The following CFAP47 variants were observed in gnomAD, a reference collection of about 807,000 sequenced individuals.
CFAP47 encodes the protein cilia- and flagella-associated protein 47.
Under a neutral mutation model 148.1 loss-of-function variants are expected in CFAP47, and 29 were observed. That is an observed-to-expected ratio of 0.20 (90% CI 0.15 to 0.27). The LOEUF is 0.27. Among genes scored for constraint, CFAP47 ranks in the 10% least tolerant of loss-of-function variants. CFAP47 has a pLI of 1.00. For missense variants in CFAP47, 1,872 were observed against 1,697.5 expected, an observed-to-expected ratio of 1.10 and a Z score of -1.81; for synonymous variants, 664 against 577.3, an observed-to-expected ratio of 1.15 and a Z score of -2.15.
intron 8 of CFAP47, among the ~76,000 whole-genome samples, chrX:35,956,951 C>T (rs1936254688): frequency 9.0e-6 from 1 of 111,316 alleles, no homozygotes; most frequent in Non-Finnish European, 1.9e-5. Context: ...GTGGCTCACA[C>T]CTGTAATCCC....
chrX:36,267,117 A>G (rs782609094), intron 49 of CFAP47, among the ~76,000 whole-genome samples: 42 of 111,930 alleles, frequency 3.8e-4, no homozygotes, highest in African/African-American at 1.3e-3. Context: ...AACAGTTGAG[A>G]TATTATCTAA....
intron 60 of CFAP47, among the ~76,000 whole-genome samples, chrX:36,358,640 A>T (rs2146989183): frequency 9.0e-6 from 1 of 111,573 alleles, no homozygotes; most frequent in East Asian, 2.8e-4. Context: ...TAGAAGTCCC[A>T]CATCTTCACC....
chrX:36,271,001 C>T (rs1940952544), intron 49 of CFAP47, among the ~76,000 whole-genome samples: 1 of 110,054 alleles, frequency 9.1e-6, no homozygotes, highest in Non-Finnish European at 1.9e-5. Context: ...TTTTGTTTTT[C>T]CCACCTTGCT....
chrX:35,949,450 G>A (rs1229821064), intron 4 of CFAP47, among the ~76,000 whole-genome samples: 1 of 111,405 alleles, frequency 9.0e-6, no homozygotes, highest in Admixed American at 9.6e-5. Context: ...TCTGAGATAA[G>A]GTCAACTGAG....
chrX:35,975,559 G>A lies in CFAP47; in HGVS notation c.2472-113G>A, dbSNP rs150009416. On this transcript the variant is annotated intron_variant, in intron 14 of 63. Transcript: ENST00000378653. ...TTATCTTTCATAATTAAAGTATTACGTGCTAAGAATTGTGGATGTTAATCA... is the reference window on the plus strand; with the variant it reads ...TTATCTTTCATAATTAAAGTATTACATGCTAAGAATTGTGGATGTTAATCA... 1.5e-3 allele frequency: 1,151 copies of A among 789,821 alleles called. 8 individuals carry two copies. In the African/African-American group the frequency reaches 0.021, roughly 14 times the overall value. 65.1% of individuals were successfully genotyped at this position (789,821 alleles called of 1,213,427 possible). A position where few individuals can be genotyped will look rare whatever the true frequency, so the allele number is the denominator to read the frequency against.
intron 19 of CFAP47, among the ~76,000 whole-genome samples, chrX:35,998,698 G>A (rs1358149042): frequency 9.0e-6 from 1 of 111,394 alleles, no homozygotes; most frequent in East Asian, 2.8e-4. Flanking sequence ...ATTCAGTGGT[G>A]AAGGCATAAG....
At chrX:36,089,106 G>T (rs1305532574) in intron 30 of CFAP47, among the ~76,000 whole-genome samples, 1 of 111,748 alleles carries the variant, frequency 8.9e-6, no homozygotes, top group Non-Finnish European at 1.9e-5. Flanking sequence ...GGTGGCTCAC[G>T]CGTATAATCC....
At chrX:36,155,689 A>C (rs1301699659) in intron 37 of CFAP47, among the ~76,000 whole-genome samples, 2 of 111,463 alleles carry the variant, frequency 1.8e-5, no homozygotes, top group Admixed American at 9.6e-5. Context: ...ATCCAGCCTC[A>C]GTTTCCTTAT....
chrX:36,177,795 T>C (rs1177005989), intron 39 of CFAP47, among the ~76,000 whole-genome samples: 1 of 112,137 alleles, frequency 8.9e-6, no homozygotes, highest in Non-Finnish European at 1.9e-5. Flanking sequence ...GAACTTAAAA[T>C]AGAGTTACCA....
At chrX:36,283,612 A>T (rs1050013927) in intron 50 of CFAP47, among the ~76,000 whole-genome samples, 4 of 112,009 alleles carry the variant, frequency 3.6e-5, no homozygotes, top group Admixed American at 1.9e-4. Context: ...GTTGAGCTTC[A>T]TCCAATCAGT....
intron 60 of CFAP47, among the ~76,000 whole-genome samples, chrX:36,356,453 C>T (rs1941786583): frequency 1.8e-5 from 2 of 111,158 alleles, no homozygotes; most frequent in Admixed American, 9.6e-5. Flanking sequence ...AAAAAGGAAT[C>T]GACCTCATTG....
chrX:36,031,351 T>C lies in CFAP47; in HGVS notation c.3651+4T>C, dbSNP rs773231138. On this transcript the variant is annotated splice_donor_region_variant and intron_variant, in intron 23 of 63. Coordinates refer to ENST00000378653, the MANE Select transcript of CFAP47 (RefSeq NM_001304548.2). ...TAACAAGGTCACAAAAACTCAGGTATGTATAAAGAAGTGATACAGTTTACA... is the reference window on the plus strand; with the variant it reads ...TAACAAGGTCACAAAAACTCAGGTACGTATAAAGAAGTGATACAGTTTACA... The C allele has an allele frequency of 1.7e-5, 5 of 287,691 alleles. No individual in the cohort carries two copies. Among genetic ancestry groups the C allele is most frequent in the African/African-American group, 1.4e-4 (5 of 35,970 alleles). The allele number at this position is 287,691 out of a possible 1,213,427, so 23.7% of individuals were successfully genotyped here. A position where few individuals can be genotyped will look rare whatever the true frequency, so the allele number is the denominator to read the frequency against.
intron 2 of CFAP47, 59 bp downstream of exon 2, chrX:35,926,227 G>A (rs41309685): frequency 5.4e-6 from 5 of 931,561 alleles, no homozygotes; most frequent in South Asian, 6.0e-5. Context: ...AAAAATGAGG[G>A]TCAAAGTAAT....
chrX:36,337,236 G>C lies in CFAP47; in HGVS notation c.8444-10893G>C, dbSNP rs1281311318. 7.1e-5 allele frequency among the ~76,000 whole-genome samples: 8 copies of C among 112,474 alleles called. No homozygotes were observed. The Admixed American group carries it at 7.5e-4, about 11-fold the overall frequency. On this transcript the variant is annotated intron_variant, in intron 57 of 63. Transcript: ENST00000378653. ...TACCACCAGAATATTTCTGTGAAGA[G>C]AGCAGAAACTGCATCTATTAAAATC...
intron 59 of CFAP47, among the ~76,000 whole-genome samples, chrX:36,351,131 C>T (rs1345597699): frequency 2.7e-5 from 3 of 111,481 alleles, no homozygotes; most frequent in Non-Finnish European, 5.7e-5. Flanking sequence ...TCCCCAGATA[C>T]ACTGGTTGTA....
At chrX:36,005,203 ACTTTAT>A (rs1246994973) in intron 21 of CFAP47, among the ~76,000 whole-genome samples, 1 of 109,012 alleles carries the variant, frequency 9.2e-6, no homozygotes, top group Non-Finnish European at 1.9e-5. Flanking sequence ...ATTCATTTCC[ACTTTAT>A]CTTTATTATT....
At chrX:36,249,065 A>G (rs920930687) in intron 48 of CFAP47, among the ~76,000 whole-genome samples, 2 of 109,044 alleles carry the variant, frequency 1.8e-5, no homozygotes, top group Admixed American at 9.9e-5. Context: ...GTAGATGTGC[A>G]TACCTGTAGT....
At chrX:36,079,061 G>A (rs924699968) in intron 29 of CFAP47, among the ~76,000 whole-genome samples, 1 of 111,826 alleles carries the variant, frequency 8.9e-6, no homozygotes, top group African/African-American at 3.3e-5. Context: ...TAGTCTGATG[G>A]ACTTCCCTTT....
chrX:36,027,512 T>C (rs1937233268), intron 22 of CFAP47, among the ~76,000 whole-genome samples: 1 of 111,271 alleles, frequency 9.0e-6, no homozygotes, highest in African/African-American at 3.3e-5. Flanking sequence ...GCAAAATACA[T>C]GATTTCATTC....
Sources: allele counts gnomAD v4.1 joint callset (sites outside exome capture counted in the v4.1 genomes callset), GRCh38; gene constraint gnomAD v4.1.1; transcripts MANE v1.5; gene names NCBI Gene and HGNC (gene_info 2026-07-23, HGNC 2026-07-21).